Variants in SHISA9 observed in about 807,000 individuals in gnomAD.
SHISA9 encodes the protein protein shisa-9.
Under a neutral mutation model 38.0 loss-of-function variants are expected in SHISA9, and 13 were observed. That is an observed-to-expected ratio of 0.34 (90% CI 0.22 to 0.54). SHISA9 has a LOEUF of 0.54. Ranked by LOEUF, SHISA9 falls within the 20% of genes least tolerant of loss-of-function variation. The pLI is 0.91. For synonymous variants in SHISA9, 275 were observed against 242.0 expected, an observed-to-expected ratio of 1.14 and a Z score of -1.27; for missense variants, 538 against 575.8, an observed-to-expected ratio of 0.93 and a Z score of 0.67.
intron 2 of SHISA9, among the ~76,000 whole-genome samples, chr16:13,179,293 CAG>C (rs1252764663): frequency 6.6e-6 from 1 of 152,118 alleles, no homozygotes; most frequent in Non-Finnish European, 1.5e-5. Flanking sequence ...GCCCAGGTGA[CAG>C]AGCAAGACTC....
chr16:13,438,972 G>A, the SHISA9 span, among the ~76,000 whole-genome samples: 168 of 152,246 alleles, frequency 1.1e-3, no homozygotes, highest in African/African-American at 3.9e-3. Context: ...GACATTTTAC[G>A]GGAGAGAGCA....
chr16:12,919,109 A>G (rs1451387872), intron 2 of SHISA9, among the ~76,000 whole-genome samples: 2 of 152,190 alleles, frequency 1.3e-5, no homozygotes, highest in African/African-American at 4.8e-5. Flanking sequence ...AGAGAATAGG[A>G]TGAGATAACT....
At chr16:13,485,026 G>GT in the SHISA9 span, among the ~76,000 whole-genome samples, 2 of 143,926 alleles carry the variant, frequency 1.4e-5, no homozygotes, top group African/African-American at 5.0e-5. Flanking sequence ...TAAGCCTCTT[G>GT]TTCTTTTTTT....
chr16:13,175,068 TA>T (rs891910285), intron 2 of SHISA9, among the ~76,000 whole-genome samples: 29 of 152,152 alleles, frequency 1.9e-4, no homozygotes, highest in African/African-American at 7.0e-4. Flanking sequence ...TTCCGTCTTT[TA>T]AAAAAGGTCT....
At chr16:13,234,134 T>G (rs1053001968) in intron 4 of SHISA9, among the ~76,000 whole-genome samples, 2 of 152,192 alleles carry the variant, frequency 1.3e-5, no homozygotes, top group Admixed American at 1.3e-4. Context: ...AGCAAAATAT[T>G]GGCACAATTA....
intron 2 of SHISA9, among the ~76,000 whole-genome samples, chr16:13,169,652 C>T (rs2050668287): frequency 1.3e-5 from 2 of 152,198 alleles, no homozygotes; most frequent in Admixed American, 6.5e-5. Flanking sequence ...TTATCAGTTT[C>T]CTGGCTTTGG....
intron 2 of SHISA9, among the ~76,000 whole-genome samples, chr16:13,142,114 A>G (rs1459953461): frequency 6.6e-6 from 1 of 152,242 alleles, no homozygotes; most frequent in African/African-American, 2.4e-5. Context: ...GAGGCTCAGC[A>G]TTGAATCCAT....
chr16:13,234,012 T>TAATA (rs886801809), intron 4 of SHISA9, among the ~76,000 whole-genome samples: 1 of 152,040 alleles, frequency 6.6e-6, no homozygotes, highest in South Asian at 2.1e-4. Context: ...GAAAAAATAA[T>TAATA]AATAAATAAA....
intron 2 of SHISA9, among the ~76,000 whole-genome samples, chr16:12,983,420 A>G (rs2072266090): frequency 6.6e-6 from 1 of 152,222 alleles, no homozygotes; most frequent in African/African-American, 2.4e-5. Flanking sequence ...AGCATTCAGC[A>G]CTGCATCCAA....
chr16:13,265,488 C>G, the SHISA9 span, among the ~76,000 whole-genome samples: 850 of 125,590 alleles, frequency 6.8e-3, 12 homozygotes, highest in African/African-American at 0.025. Context: ...CTTTCCCTTT[C>G]CTTCATTCCC....
chr16:13,334,518 T>G, the SHISA9 span, among the ~76,000 whole-genome samples: 1 of 152,154 alleles, frequency 6.6e-6, no homozygotes, highest in Non-Finnish European at 1.5e-5. Flanking sequence ...CTCATGCCCG[T>G]AGTCCCAACA....
chr16:13,424,929 CAGGAG>C, the SHISA9 span, among the ~76,000 whole-genome samples: 1 of 152,062 alleles, frequency 6.6e-6, no homozygotes, highest in African/African-American at 2.4e-5. Context: ...TGTCCCAGGC[CAGGAG>C]AGGAAAGTGA....
At chr16:13,547,296 T>G in the SHISA9 span, among the ~76,000 whole-genome samples, 1 of 152,194 alleles carries the variant, frequency 6.6e-6, no homozygotes, top group Non-Finnish European at 1.5e-5. Context: ...AGTGGGTTTT[T>G]TTCTAGTGAG....
At chr16:13,291,373 A>G in the SHISA9 span, among the ~76,000 whole-genome samples, 10 of 152,172 alleles carry the variant, frequency 6.6e-5, no homozygotes, top group African/African-American at 2.4e-4. Context: ...GGTCCTATGA[A>G]ATATACCTAA....
rs897252690 is a variant in SHISA9 at position 13,239,775 on chromosome 16, T to G, written c.*4366T>G. 1.3e-5 allele frequency: 2 copies of G among 150,852 alleles called. No homozygotes were observed. The highest frequency in any genetic ancestry group is 3.0e-5 in the Non-Finnish European group (2 of 67,754). 9.3% of individuals were successfully genotyped at this position (150,852 alleles called of 1,614,324 possible). A position where few individuals can be genotyped will look rare whatever the true frequency, so the allele number is the denominator to read the frequency against. ...GTAGGTTGCGAAAATTTTCTCCCAT[T>G]TTGTAGGTTGCCTGTTCACTCTGAT... On this transcript the variant is annotated 3_prime_UTR_variant, in exon 5 of 5. Transcript: ENST00000558583.
intron 2 of SHISA9, among the ~76,000 whole-genome samples, chr16:13,020,397 T>C (rs2141865238): frequency 6.6e-6 from 1 of 152,194 alleles, no homozygotes; most frequent in South Asian, 2.1e-4. Flanking sequence ...TGTGTGTTGC[T>C]CCCCCGTATG....
chr16:12,930,703 C>G (rs1431572538), intron 2 of SHISA9, among the ~76,000 whole-genome samples: 1 of 151,942 alleles, frequency 6.6e-6, no homozygotes, highest in Non-Finnish European at 1.5e-5. Flanking sequence ...GCAAAGTAAC[C>G]TTAATAATCT....
the SHISA9 span, among the ~76,000 whole-genome samples, chr16:13,498,570 G>A: frequency 3.3e-5 from 5 of 151,976 alleles, no homozygotes; most frequent in African/African-American, 9.7e-5. Flanking sequence ...CAACCTGACC[G>A]ACACGGTAAA....
chr16:13,082,758 G>A (rs2073666712), intron 2 of SHISA9, among the ~76,000 whole-genome samples: 1 of 152,156 alleles, frequency 6.6e-6, no homozygotes, highest in Admixed American at 6.6e-5. Context: ...TCTTTGCAAT[G>A]GTAGTTTGTA....
Sources: gnomAD v4.1 joint callset for allele counts (sites outside exome capture counted in the v4.1 genomes callset) on GRCh38, gnomAD v4.1.1 for gene constraint, MANE v1.5 for transcripts, NCBI Gene and HGNC (gene_info 2026-07-23, HGNC 2026-07-21) for gene names.